Variants in GRM7 observed in about 807,000 individuals in gnomAD.
GRM7 encodes the protein glutamate metabotropic receptor 7.
In GRM7, 35 loss-of-function variants were observed where a neutral mutation model predicts 84.5. The observed-to-expected ratio is 0.41, with a 90% confidence interval of 0.32 to 0.55. The LOEUF (loss-of-function observed/expected upper bound fraction) is 0.55, where lower values mean the gene tolerates loss of function less well. Among genes scored for constraint, GRM7 ranks in the 20% least tolerant of loss-of-function variants. The probability of loss-of-function intolerance (pLI) is 0.19; values close to 1 mark genes in which losing one functional copy is unlikely to be tolerated. For synonymous variants in GRM7, 487 were observed against 455.1 expected, an observed-to-expected ratio of 1.07 and a Z score of -0.89; for missense variants, 1,003 against 1,194.6, an observed-to-expected ratio of 0.84 and a Z score of 2.36.
chr3:7,025,170 A>C (rs1300535065), intron 1 of GRM7, among the ~76,000 whole-genome samples: 8 of 152,150 alleles, frequency 5.3e-5, no homozygotes, highest in Non-Finnish European at 1.2e-4. Flanking sequence ...AAGGGAATCC[A>C]TATTATTTCA....
At chr3:7,100,024 C>A (rs1191572091) in intron 1 of GRM7, among the ~76,000 whole-genome samples, 1 of 148,150 alleles carries the variant, frequency 6.7e-6, no homozygotes, top group East Asian at 2.0e-4. Context: ...ATGTAATATA[C>A]ATATATATGC....
intron 1 of GRM7, among the ~76,000 whole-genome samples, chr3:6,997,154 C>G (rs7623059): frequency 0.075 from 11,389 of 151,672 alleles, 1,474 homozygotes; most frequent in African/African-American, 0.26. Flanking sequence ...TATTTCTTTT[C>G]TTTTTTTTAA....
At chr3:7,330,457 T>C (rs1346078436) in intron 4 of GRM7, among the ~76,000 whole-genome samples, 1 of 152,154 alleles carries the variant, frequency 6.6e-6, no homozygotes, top group Non-Finnish European at 1.5e-5. Context: ...CTTTTTAATG[T>C]GGTTCGGCTC....
chr3:7,449,279 C>A (rs1575352230), intron 5 of GRM7, among the ~76,000 whole-genome samples: 1 of 152,000 alleles, frequency 6.6e-6, no homozygotes, highest in East Asian at 1.9e-4. Flanking sequence ...TTGCAAGAAA[C>A]ATTCAAAACC....
At chr3:6,871,132 CT>C in intron 1 of GRM7, among the ~76,000 whole-genome samples, 1 of 152,238 alleles carries the variant, frequency 6.6e-6, no homozygotes, top group Non-Finnish European at 1.5e-5. Context: ...AAAACAGTAT[CT>C]CATTATTTTA....
At chr3:7,738,285 G>A (rs1702571753) in intron 9 of GRM7, among the ~76,000 whole-genome samples, 1 of 152,070 alleles carries the variant, frequency 6.6e-6, no homozygotes, top group Non-Finnish European at 1.5e-5. Context: ...ATTATAGCAT[G>A]GAGACAGAAA....
intron 2 of GRM7, among the ~76,000 whole-genome samples, chr3:7,297,393 T>G (rs1699850306): frequency 6.6e-6 from 1 of 152,228 alleles, no homozygotes; most frequent in Non-Finnish European, 1.5e-5. Flanking sequence ...GTTATTTGTA[T>G]GGCTCAAAAT....
chr3:7,293,450 C>T (rs935290468), intron 2 of GRM7, among the ~76,000 whole-genome samples: 2 of 152,164 alleles, frequency 1.3e-5, no homozygotes, highest in Admixed American at 6.5e-5. Flanking sequence ...CCTTTGACAG[C>T]GGACATTCTC....
intron 9 of GRM7, among the ~76,000 whole-genome samples, chr3:7,692,977 C>CTTT (rs376324014): frequency 7.0e-6 from 1 of 143,548 alleles, no homozygotes; most frequent in East Asian, 2.0e-4. Flanking sequence ...TTCTTTCTTT[C>CTTT]TTTTTTTTTT....
At chr3:7,623,003 C>T (rs1199900814) in intron 8 of GRM7, among the ~76,000 whole-genome samples, 1 of 152,168 alleles carries the variant, frequency 6.6e-6, no homozygotes, top group Non-Finnish European at 1.5e-5. Flanking sequence ...GAATGCTTCA[C>T]TCCTGCTCTC....
rs747101594 is a variant in GRM7 at position 7,503,548 on chromosome 3, C to T, written c.1515+41826C>T. On this transcript the variant is annotated intron_variant, in intron 7 of 9. Transcript: ENST00000357716. ...TGGTGATTATTCCTTCTTTTCAAAT[C>T]GATTCTGCTGAAAACAGTATCTTCT... Among the ~76,000 whole-genome samples, 8 of 152,130 alleles carry T rather than the reference C, an allele frequency of 5.3e-5. 1 individual carries two copies. The highest frequency in any genetic ancestry group is 3.2e-3 in the Middle Eastern group (1 of 316).
chr3:6,889,296 C>G (rs1024547030), intron 1 of GRM7, among the ~76,000 whole-genome samples: 2 of 152,120 alleles, frequency 1.3e-5, no homozygotes, highest in African/African-American at 4.8e-5. Context: ...GAGAGGGCAT[C>G]CCTTTCTTGT....
chr3:7,165,256 A>C (rs1022228524), intron 2 of GRM7, among the ~76,000 whole-genome samples: 1 of 152,202 alleles, frequency 6.6e-6, no homozygotes, highest in Non-Finnish European at 1.5e-5. Flanking sequence ...ACCTTCAATT[A>C]TCCCAGAATT....
chr3:7,141,620 ATG>A (rs1156985467), intron 1 of GRM7, among the ~76,000 whole-genome samples: 1 of 152,078 alleles, frequency 6.6e-6, no homozygotes, highest in African/African-American at 2.4e-5. Flanking sequence ...GTGATTATCC[ATG>A]ATCATGTTTA....
chr3:7,254,500 A>G (rs1698126577), intron 2 of GRM7, among the ~76,000 whole-genome samples: 1 of 152,252 alleles, frequency 6.6e-6, no homozygotes, highest in Admixed American at 6.5e-5. Context: ...AGGGCCATGT[A>G]GCAAATATTT....
intron 1 of GRM7, among the ~76,000 whole-genome samples, chr3:7,060,863 G>T (rs1189182545): frequency 1.3e-5 from 2 of 151,688 alleles, no homozygotes; most frequent in Non-Finnish European, 2.9e-5. Flanking sequence ...ATGTTTTTGT[G>T]TCCTATCATT....
intron 7 of GRM7, among the ~76,000 whole-genome samples, chr3:7,551,627 A>G (rs1693483739): frequency 1.3e-5 from 2 of 150,908 alleles, no homozygotes; most frequent in South Asian, 4.1e-4. Context: ...ATTTTTATAT[A>G]TAAAGCACAT....
rs184758784 is a variant in GRM7, at chr3:7,360,055, A to G, written c.1033+53403A>G. ...GATTATTTCACTCTGATTTTAGGGAAAACTCATTTTTATCCTGAAATATCA... is the reference window on the plus strand; with the variant it reads ...GATTATTTCACTCTGATTTTAGGGAGAACTCATTTTTATCCTGAAATATCA... On this transcript the variant is annotated intron_variant, in intron 4 of 9. Transcript: ENST00000357716. Among the ~76,000 whole-genome samples, 583 of 147,992 alleles carry G rather than the reference A, an allele frequency of 3.9e-3. 35 individuals carry two copies. The highest frequency in any genetic ancestry group is 6.3e-3 in the Non-Finnish European group (424 of 67,342).
chr3:7,294,722 G>C (rs1011266394), intron 2 of GRM7, among the ~76,000 whole-genome samples: 1 of 152,126 alleles, frequency 6.6e-6, no homozygotes, highest in Non-Finnish European at 1.5e-5. Flanking sequence ...CCCTAAGCTA[G>C]CAGCATCAGC....
Sources: gnomAD v4.1 joint callset for allele counts (sites outside exome capture counted in the v4.1 genomes callset) on GRCh38, gnomAD v4.1.1 for gene constraint, MANE v1.5 for transcripts, NCBI Gene and HGNC (gene_info 2026-07-23, HGNC 2026-07-21) for gene names.